The following UPRT variants were observed in gnomAD, a reference collection of about 807,000 sequenced individuals.
The protein encoded by UPRT is uracil phosphoribosyltransferase homolog, also known as RP11-311P8.3.
In UPRT, 5 loss-of-function variants were observed where a neutral mutation model predicts 22.6. The observed-to-expected ratio is 0.22, with a 90% CI of 0.12 to 0.47. The LOEUF (loss-of-function observed/expected upper bound fraction) is 0.47. Among genes scored for constraint, UPRT ranks in the 20% least tolerant of loss-of-function variants. The pLI is 0.99. For missense variants in UPRT, 181 were observed against 239.9 expected, an observed-to-expected ratio of 0.75 and a Z score of 1.62; for synonymous variants, 77 against 87.7, an observed-to-expected ratio of 0.88 and a Z score of 0.68.
In UPRT at chrX:75,261,439, A is replaced by C. The variant is rs2082567398; in HGVS notation, c.-446-29585A>C. 2.7e-5 allele frequency among the ~76,000 whole-genome samples: 3 copies of C among 112,057 alleles called. No individual in the cohort carries two copies. In the Admixed American group the frequency reaches 2.8e-4, roughly 11 times the overall value. ...CTAGAAGAAATGGATAAATTCCTGGACACATACACCCTCCCAAGACTAAAC... is the reference window on the plus strand; with the variant it reads ...CTAGAAGAAATGGATAAATTCCTGGCCACATACACCCTCCCAAGACTAAAC... On this transcript the variant is annotated intron_variant, in intron 4 of 13. Coordinates refer to the UPRT transcript ENST00000652605.
At chrX:75,220,612 A>T (rs1475518397) in intron 4 of UPRT, among the ~76,000 whole-genome samples, 1 of 111,339 alleles carries the variant, frequency 9.0e-6, no homozygotes, top group Non-Finnish European at 1.9e-5. Flanking sequence ...ATGCTTGCAA[A>T]TACTATTGTA....
intron 6 of UPRT, among the ~76,000 whole-genome samples, chrX:75,302,895 C>T (rs189959441): frequency 6.3e-5 from 7 of 110,429 alleles, no homozygotes; most frequent in Admixed American, 3.9e-4. Flanking sequence ...CATCATCTTA[C>T]GTGTGTTCCT....
intron 1 of UPRT, among the ~76,000 whole-genome samples, chrX:75,276,892 C>T (rs2082633675): frequency 9.0e-6 from 1 of 111,269 alleles, no homozygotes; most frequent in Admixed American, 9.6e-5. Context: ...CCCATTTTCA[C>T]CCAACCCACC....
chrX:75,229,003 A>G (rs1392588773), intron 4 of UPRT, among the ~76,000 whole-genome samples: 3 of 112,106 alleles, frequency 2.7e-5, no homozygotes, highest in Admixed American at 9.5e-5. Flanking sequence ...CAGAGGCTGC[A>G]TAGGAAGGTG....
intron 4 of UPRT, among the ~76,000 whole-genome samples, chrX:75,219,997 C>A (rs1040834576): frequency 3.6e-5 from 4 of 111,053 alleles, no homozygotes; most frequent in Admixed American, 2.9e-4. Flanking sequence ...CTGTCTAATG[C>A]TGAAAGTGGA....
At chrX:75,222,756 G>A (rs1451927388) in intron 4 of UPRT, among the ~76,000 whole-genome samples, 3 of 110,774 alleles carry the variant, frequency 2.7e-5, no homozygotes, top group Non-Finnish European at 5.7e-5. Flanking sequence ...CTGGCCCAAT[G>A]CAGGTCCAGA....
intron 4 of UPRT, among the ~76,000 whole-genome samples, chrX:75,220,215 A>G (rs2082405537): frequency 1.8e-5 from 2 of 111,017 alleles, no homozygotes; most frequent in Admixed American, 9.6e-5. Context: ...TTTTTCTGAT[A>G]TAACTACACT....
intron 4 of UPRT, among the ~76,000 whole-genome samples, chrX:75,219,945 A>G (rs984674657): frequency 9.9e-5 from 11 of 111,668 alleles, no homozygotes; most frequent in Non-Finnish European, 2.1e-4. Flanking sequence ...TATAGTGAAT[A>G]TCAAGTCTGA....
intron 6 of UPRT, among the ~76,000 whole-genome samples, chrX:75,301,198 A>G (rs61328705): frequency 1.8e-3 from 204 of 112,119 alleles, no homozygotes; most frequent in African/African-American, 6.3e-3. Context: ...ATTTAAAAGA[A>G]TTGCAATTGT....
chrX:75,247,974 G>C (rs1432749926), intron 4 of UPRT, among the ~76,000 whole-genome samples: 2 of 111,842 alleles, frequency 1.8e-5, no homozygotes, highest in Non-Finnish European at 3.8e-5. Flanking sequence ...GTTTGGAGTG[G>C]ACCTCCAGTA....
intron 4 of UPRT, among the ~76,000 whole-genome samples, chrX:75,229,580 C>G (rs1186091049): frequency 8.9e-6 from 1 of 111,968 alleles, no homozygotes; most frequent in African/African-American, 3.2e-5. Context: ...AGCCTCTGAA[C>G]ATCCATCCCT....
chrX:75,256,288 A>G (rs1006009982), intron 4 of UPRT, among the ~76,000 whole-genome samples: 2 of 112,206 alleles, frequency 1.8e-5, no homozygotes, highest in African/African-American at 6.5e-5. Context: ...TGAAATCAAG[A>G]TGGAAATTAA....
chrX:75,179,429 A>G (rs1397816706), intron 4 of UPRT, among the ~76,000 whole-genome samples: 3 of 113,291 alleles, frequency 2.6e-5, no homozygotes, highest in Non-Finnish European at 5.6e-5. Context: ...CGTCCCCACC[A>G]GACTCAGGAG....
chrX:75,245,463 A>T (rs2082501899), intron 4 of UPRT, among the ~76,000 whole-genome samples: 1 of 110,494 alleles, frequency 9.1e-6, no homozygotes, highest in African/African-American at 3.3e-5. Context: ...AGAAATATAA[A>T]ACATTCTACC....
intron 4 of UPRT, among the ~76,000 whole-genome samples, chrX:75,224,918 G>A (rs2082419505): frequency 9.0e-6 from 1 of 111,570 alleles, no homozygotes; most frequent in African/African-American, 3.3e-5. Flanking sequence ...CTACCTGTTT[G>A]ATAGCCTGCT....
intron 4 of UPRT, among the ~76,000 whole-genome samples, chrX:75,216,527 A>G (rs1602457134): frequency 8.9e-6 from 1 of 112,351 alleles, no homozygotes. Flanking sequence ...AAAATATAGA[A>G]GATAAAAGCA....
chrX:75,225,323 CCACACA>C (rs57493246), intron 4 of UPRT, among the ~76,000 whole-genome samples: 2,088 of 82,017 alleles, frequency 0.025, 69 homozygotes, highest in African/African-American at 0.088. Context: ...AAACCAAAAA[CCACACA>C]CACACACACA....
chrX:75,234,789 G>A (rs2082453951), intron 4 of UPRT, among the ~76,000 whole-genome samples: 1 of 110,983 alleles, frequency 9.0e-6, no homozygotes, highest in African/African-American at 3.3e-5. Flanking sequence ...TCAAAGCAGT[G>A]TGTAGAGGGA....
chrX:75,186,776 A>C (rs1331609586), intron 4 of UPRT, among the ~76,000 whole-genome samples: 1 of 111,802 alleles, frequency 8.9e-6, no homozygotes, highest in African/African-American at 3.3e-5. Context: ...CCATTATGTA[A>C]TGGCCTTCTT....
Sources: gnomAD v4.1 joint callset for allele counts (sites outside exome capture counted in the v4.1 genomes callset) on GRCh38, gnomAD v4.1.1 for gene constraint, MANE v1.5 for transcripts, NCBI Gene and HGNC (gene_info 2026-07-23, HGNC 2026-07-21) for gene names.